Variants in ADAMTSL1 observed in about 807,000 individuals in gnomAD.
ADAMTSL1 encodes the protein ADAMTS like 1.
A neutral mutation model predicts 201.8 loss-of-function variants in ADAMTSL1; 126 were observed. That is an observed-to-expected ratio of 0.62 (90% CI 0.54 to 0.72). The LOEUF is 0.72. ADAMTSL1 is among the 30% of genes least tolerant of loss of function. The pLI, the probability that ADAMTSL1 is intolerant of heterozygous loss-of-function variation, is 0.00. For synonymous variants in ADAMTSL1, 1,121 were observed against 903.4 expected, an observed-to-expected ratio of 1.24 and a Z score of -4.32; for missense variants, 2,679 against 2,277.8, an observed-to-expected ratio of 1.18 and a Z score of -3.59.
chr9:18,199,302 A>G (rs1356218060), intron 2 of ADAMTSL1, among the ~76,000 whole-genome samples: 1 of 152,072 alleles, frequency 6.6e-6, no homozygotes, highest in East Asian at 1.9e-4. Flanking sequence ...CTGTTAGGAT[A>G]GTCTCACTTT....
intron 1 of ADAMTSL1, among the ~76,000 whole-genome samples, chr9:18,487,891 C>T (rs1186708478): frequency 6.6e-6 from 1 of 152,136 alleles, no homozygotes; most frequent in Non-Finnish European, 1.5e-5. Context: ...CGTATTTCAT[C>T]GATCCTAAGA....
Position 18,083,783 on chromosome 9 carries a change from T to C in ADAMTSL1, c.88-80079T>C, listed in dbSNP as rs1173705137. Among the ~76,000 whole-genome samples the C allele has an allele frequency of 5.3e-5, 8 of 152,218 alleles. No individual in the cohort carries two copies. The East Asian group carries it at 1.3e-3, about 26-fold the overall frequency. Reference sequence around the variant, plus strand: ...TATAATTTGTAAATGTTATTCCTGATACTAAAGTTAGCTTTTACCACCCTC... The same window carrying C: ...TATAATTTGTAAATGTTATTCCTGACACTAAAGTTAGCTTTTACCACCCTC... On this transcript the variant is annotated intron_variant, in intron 1 of 29. Transcript: ENST00000680146.
chr9:18,132,206 A>C (rs1179367066), intron 1 of ADAMTSL1, among the ~76,000 whole-genome samples: 2 of 152,164 alleles, frequency 1.3e-5, no homozygotes, highest in Non-Finnish European at 2.9e-5. Context: ...AAAAGGCCTG[A>C]GTCCACATGG....
intron 1 of ADAMTSL1, among the ~76,000 whole-genome samples, chr9:17,926,832 A>G (rs1253882564): frequency 6.6e-6 from 1 of 152,224 alleles, no homozygotes; most frequent in Non-Finnish European, 1.5e-5. Flanking sequence ...AGATTCTCCG[A>G]CATTACAGTG....
chr9:18,856,035 C>T (rs1055405673), intron 23 of ADAMTSL1, among the ~76,000 whole-genome samples: 2 of 152,166 alleles, frequency 1.3e-5, no homozygotes, highest in African/African-American at 2.4e-5. Context: ...CATTAATGAA[C>T]TTTCCTGGCA....
chr9:17,918,046 C>G (rs11795059), intron 1 of ADAMTSL1, among the ~76,000 whole-genome samples: 30,710 of 151,638 alleles, frequency 0.2, 3,269 homozygotes, highest in Middle Eastern at 0.26. Flanking sequence ...GTTATTCTTT[C>G]TTTTTCCCTG....
rs377013858 is a variant in ADAMTSL1, at chr9:18,254,520, G to GC, written c.207+90542dup. On this transcript the variant is annotated intron_variant, in intron 2 of 29. Transcript: ENST00000680146. ...TGGGACTACAGGCTCCCGCCACCAC[G>GC]CCCGGCTAACTTTTTTGTATTTTTA... Among the ~76,000 whole-genome samples, 648 of 151,612 alleles carry GC rather than the reference G, an allele frequency of 4.3e-3. 5 individuals carry two copies. Among genetic ancestry groups the GC allele is most frequent in the African/African-American group, 0.015 (627 of 41,342 alleles).
chr9:18,592,210 G>A (rs1823965703), intron 4 of ADAMTSL1, among the ~76,000 whole-genome samples: 1 of 152,086 alleles, frequency 6.6e-6, no homozygotes, highest in African/African-American at 2.4e-5. Flanking sequence ...TGGTTTTGGG[G>A]AGTGCTTTGG....
chr9:18,205,488 C>T (rs1045840712), intron 2 of ADAMTSL1, among the ~76,000 whole-genome samples: 6 of 151,272 alleles, frequency 4.0e-5, no homozygotes, highest in African/African-American at 1.5e-4. Context: ...GAAAAAAAAA[C>T]GAAAAGTTTT....
intron 2 of ADAMTSL1, among the ~76,000 whole-genome samples, chr9:18,396,946 C>G (rs555704445): frequency 6.6e-6 from 1 of 152,272 alleles, no homozygotes; most frequent in East Asian, 1.9e-4. Context: ...TGCCTTGGTT[C>G]TATATGCACT....
At chr9:18,034,203 T>A (rs1409534563) in intron 1 of ADAMTSL1, among the ~76,000 whole-genome samples, 1 of 152,186 alleles carries the variant, frequency 6.6e-6, no homozygotes, top group Non-Finnish European at 1.5e-5. Context: ...CTCACCCTTC[T>A]CATTAACAAC....
intron 2 of ADAMTSL1, among the ~76,000 whole-genome samples, chr9:18,520,434 A>G (rs1161470539): frequency 1.3e-5 from 2 of 152,260 alleles, no homozygotes; most frequent in Non-Finnish European, 2.9e-5. Flanking sequence ...GATAGAGCAG[A>G]AGTGTTGAAT....
chr9:18,590,665 C>A (rs1823851230), intron 4 of ADAMTSL1, among the ~76,000 whole-genome samples: 1 of 151,810 alleles, frequency 6.6e-6, no homozygotes, highest in African/African-American at 2.4e-5. Flanking sequence ...CTATAAATGT[C>A]CATCTTAGTA....
intron 2 of ADAMTSL1, among the ~76,000 whole-genome samples, chr9:18,363,465 T>G (rs1284395423): frequency 3.9e-5 from 6 of 152,234 alleles, no homozygotes; most frequent in African/African-American, 1.4e-4. Flanking sequence ...CAGTTTTGCC[T>G]TGCCTCTTCT....
chr9:18,255,256 G>A (rs571210858), intron 2 of ADAMTSL1, among the ~76,000 whole-genome samples: 21 of 152,170 alleles, frequency 1.4e-4, no homozygotes, highest in Non-Finnish European at 2.9e-4. Context: ...AAACCACTAG[G>A]GGGCGCTGCC....
At chr9:18,374,652 T>A (rs1837204558) in intron 2 of ADAMTSL1, among the ~76,000 whole-genome samples, 1 of 152,194 alleles carries the variant, frequency 6.6e-6, no homozygotes, top group African/African-American at 2.4e-5. Flanking sequence ...TTTTCTTTTT[T>A]AAACATTATT....
At chr9:18,178,997 C>T (rs1438520491) in intron 2 of ADAMTSL1, among the ~76,000 whole-genome samples, 1 of 152,248 alleles carries the variant, frequency 6.6e-6, no homozygotes, top group Non-Finnish European at 1.5e-5. Flanking sequence ...AACGCAGTTC[C>T]TCACCAGCAA....
chr9:18,717,030 G>A (rs1832988585), intron 14 of ADAMTSL1, among the ~76,000 whole-genome samples: 1 of 140,590 alleles, frequency 7.1e-6, no homozygotes, highest in Non-Finnish European at 1.5e-5. Flanking sequence ...GGTGGGAATT[G>A]AACAATGAGA....
chr9:18,777,086 C>G lies in ADAMTSL1; in HGVS notation c.2857C>G (p.Arg953Gly), dbSNP rs763759862. The change falls in exon 19 of 29, where the codon CGG becomes GGG. Residue 953 changes from arginine (R) to glycine (G), a missense_variant. By Grantham distance (125) the Arg-to-Gly change is moderately radical (BLOSUM62 -2). Transcript: ENST00000380548. ...GVYTCSAGPAREHFVIKLIGG... is the reference protein window; with the variant it reads ...GVYTCSAGPAGEHFVIKLIGG... ...CTACACCTGCTCAGCGGGCCCGGCCCGGGAGCACTTTGTGATTAAGCTCAT... is the reference window on the plus strand; with the variant it reads ...CTACACCTGCTCAGCGGGCCCGGCCGGGGAGCACTTTGTGATTAAGCTCAT... 5 of 1,613,168 alleles carry G rather than the reference C, an allele frequency of 3.1e-6. No individual in the cohort carries two copies. Among genetic ancestry groups the G allele is most frequent in the Admixed American group, 1.7e-5 (1 of 60,014 alleles).
Sources: gnomAD v4.1 joint callset for allele counts (sites outside exome capture counted in the v4.1 genomes callset) on GRCh38, gnomAD v4.1.1 for gene constraint, MANE v1.5 for transcripts, NCBI Gene and HGNC (gene_info 2026-07-23, HGNC 2026-07-21) for gene names.